The following PTPN1 variants were observed in gnomAD, a reference collection of about 807,000 sequenced individuals.
PTPN1 encodes protein tyrosine phosphatase non-receptor type 1, also known as tyrosine-protein phosphatase non-receptor type 1.
Under a neutral mutation model 59.9 loss-of-function variants are expected in PTPN1, and 12 were observed. The observed-to-expected ratio is 0.20, with a 90% CI of 0.13 to 0.32. The LOEUF (loss-of-function observed/expected upper bound fraction) is 0.32, where lower values mean the gene tolerates loss of function less well. Ranked by LOEUF, PTPN1 falls within the 10% of genes least tolerant of loss-of-function variation. The pLI is 1.00. For missense variants in PTPN1, 356 were observed against 549.2 expected, an observed-to-expected ratio of 0.65 and a Z score of 3.52; for synonymous variants, 178 against 203.6, an observed-to-expected ratio of 0.87 and a Z score of 1.07.
At position 50,578,631 on chromosome 20, in the gene PTPN1, T is replaced by C. The variant is rs766239542; in HGVS notation, c.702+2T>C. 2 of 1,612,670 alleles carry C rather than the reference T, an allele frequency of 1.2e-6. No individual in the cohort carries two copies. The highest frequency in any genetic ancestry group is 1.7e-6 in the Non-Finnish European group (2 of 1,178,868). The stretch of plus-strand genomic sequence containing the variant: ...CTGGCTGATACCTGCCTCTTGCTGG[T>C]AAGGAGGCCCTCGCGGGTGCCCTGG... On this transcript the variant is annotated splice_donor_variant, in intron 6 of 9. Coordinates refer to ENST00000371621, the MANE Select transcript of PTPN1 (RefSeq NM_002827.4). LOFTEE classifies it high-confidence loss of function.
chr20:50,552,359 A>C (rs2082705535), intron 1 of PTPN1, among the ~76,000 whole-genome samples: 1 of 152,180 alleles, frequency 6.6e-6, no homozygotes, highest in African/African-American at 2.4e-5. Context: ...ATTTCTAATA[A>C]ATTATCCAGA....
chr20:50,526,999 C>T (rs2122731385), intron 1 of PTPN1, among the ~76,000 whole-genome samples: 1 of 152,316 alleles, frequency 6.6e-6, no homozygotes, highest in East Asian at 1.9e-4. Flanking sequence ...GCTTACCTGC[C>T]ATCCTTTCCA....
At chr20:50,523,406 C>T (rs557734181) in intron 1 of PTPN1, among the ~76,000 whole-genome samples, 13 of 152,224 alleles carry the variant, frequency 8.5e-5, no homozygotes, top group African/African-American at 2.6e-4. Flanking sequence ...TTTAGCACTC[C>T]GGGATCATAT....
chr20:50,579,096 A>T, intron 6 of PTPN1, 72 bp from the exon 7 acceptor site: 2 of 1,502,358 alleles, frequency 1.3e-6, no homozygotes, highest in South Asian at 2.4e-5. Flanking sequence ...GGGGACAGAC[A>T]TCTAACGGTG....
In PTPN1 at chr20:50,546,090, G is replaced by A. The variant is rs563110884; in HGVS notation, c.64-15273G>A. ...AAAAGTGATTAGATCCCTTGTGTTT[G>A]GGACACTTGTTGGCAGCAGGGATGG... On this transcript the variant is annotated intron_variant, in intron 1 of 9. Coordinates refer to ENST00000371621, the MANE Select transcript of PTPN1 (RefSeq NM_002827.4). Among the ~76,000 whole-genome samples, 5 of 152,240 alleles carry A rather than the reference G, an allele frequency of 3.3e-5. No homozygotes were observed. In the East Asian group the frequency reaches 9.6e-4, roughly 29 times the overall value.
intron 1 of PTPN1, among the ~76,000 whole-genome samples, chr20:50,525,785 A>G (rs574376874): frequency 6.6e-6 from 1 of 150,704 alleles, no homozygotes; most frequent in Admixed American, 6.6e-5. Context: ...TTTCTTTTGG[A>G]GTCATTTATG....
At chr20:50,519,362 T>A (rs909788161) in intron 1 of PTPN1, among the ~76,000 whole-genome samples, 10 of 152,240 alleles carry the variant, frequency 6.6e-5, no homozygotes, top group African/African-American at 1.4e-4. Flanking sequence ...GCCTTTTTTT[T>A]ACCCATGAAT....
chr20:50,578,651 C>A lies in PTPN1; in HGVS notation c.702+22C>A, dbSNP rs370958988. ...GCTGGTAAGGAGGCCCTCGCGGGTGCCCTGGGGAGCTCCTCTACCTGCTCT... is the reference window on the plus strand; with the variant it reads ...GCTGGTAAGGAGGCCCTCGCGGGTGACCTGGGGAGCTCCTCTACCTGCTCT... On this transcript the variant is annotated intron_variant, in intron 6 of 9. Transcript: ENST00000371621. 1.1e-5 allele frequency: 17 copies of A among 1,602,994 alleles called. No homozygotes were observed. The South Asian group carries it at 1.8e-4, about 17-fold the overall frequency.
intron 1 of PTPN1, among the ~76,000 whole-genome samples, chr20:50,528,633 G>T (rs1191556876): frequency 6.7e-6 from 1 of 149,050 alleles, no homozygotes; most frequent in Non-Finnish European, 1.5e-5. Flanking sequence ...AGAATCACTT[G>T]AACTGGGGAG....
intron 2 of PTPN1, 149 bp from the exon 3 acceptor site, chr20:50,564,820 G>A: frequency 3.2e-6 from 4 of 1,241,396 alleles, no homozygotes; most frequent in Non-Finnish European, 4.4e-6. Context: ...GCCCCATACT[G>A]ATGACTAATC....
intron 1 of PTPN1, among the ~76,000 whole-genome samples, chr20:50,525,110 A>G (rs1031076479): frequency 2.6e-4 from 39 of 152,130 alleles, no homozygotes; most frequent in Admixed American, 2.3e-3. Flanking sequence ...CCTAGGCTGG[A>G]GTGCAATGGC....
intron 1 of PTPN1, among the ~76,000 whole-genome samples, chr20:50,534,342 A>G (rs1489157064): frequency 6.6e-6 from 1 of 152,240 alleles, no homozygotes; most frequent in African/African-American, 2.4e-5. Flanking sequence ...TATTTTTGCC[A>G]GAAAATCACT....
At chr20:50,571,365 T>C (rs954585220) in intron 4 of PTPN1, 3 of 152,270 alleles carry the variant, frequency 2.0e-5, no homozygotes, top group African/African-American at 7.2e-5. Flanking sequence ...CAGATTGGCA[T>C]GAAAAGCAAT....
chr20:50,510,983 C>A (rs1277368927), intron 1 of PTPN1, among the ~76,000 whole-genome samples: 1 of 152,104 alleles, frequency 6.6e-6, no homozygotes, highest in Non-Finnish European at 1.5e-5. Flanking sequence ...CTCAGACTCT[C>A]TTCCTTTGTC....
intron 8 of PTPN1, among the ~76,000 whole-genome samples, chr20:50,580,405 G>C (rs1026856494): frequency 6.6e-6 from 1 of 152,152 alleles, no homozygotes; most frequent in Non-Finnish European, 1.5e-5. Context: ...TGATATGTGT[G>C]GTGTACTGAG....
rs1601381226 is a variant in PTPN1 at position 50,510,674 on chromosome 20, C to T, written c.63+84C>T. The T allele has an allele frequency of 3.2e-5, 45 of 1,406,018 alleles. 1 individual carries two copies. In the South Asian group the frequency reaches 5.7e-4, roughly 18 times the overall value. 87.1% of individuals were successfully genotyped at this position (1,406,018 alleles called of 1,614,324 possible). A position where few individuals can be genotyped will look rare whatever the true frequency, so the allele number is the denominator to read the frequency against. ...CAGACCTCCAGGCCCCAGACTCCCT[C>T]TGGGTCTTGCCCTCTGCCTCGCTCC... On this transcript the variant is annotated intron_variant, in intron 1 of 9. Coordinates refer to ENST00000371621, the MANE Select transcript of PTPN1 (RefSeq NM_002827.4).
chr20:50,546,252 A>G (rs1381563836), intron 1 of PTPN1, among the ~76,000 whole-genome samples: 1 of 152,178 alleles, frequency 6.6e-6, no homozygotes, highest in Non-Finnish European at 1.5e-5. Context: ...TGCTTGCCAC[A>G]TAGTTGATGC....
intron 1 of PTPN1, among the ~76,000 whole-genome samples, chr20:50,519,485 A>G (rs1050803964): frequency 5.9e-5 from 9 of 152,204 alleles, no homozygotes; most frequent in Non-Finnish European, 1.0e-4. Context: ...TAGGAAATAG[A>G]TGGCTTTAGA....
chr20:50,578,349 G>A, intron 5 of PTPN1, 71 bp from the exon 6 acceptor site: 1 of 1,311,914 alleles, frequency 7.6e-7, no homozygotes, highest in Non-Finnish European at 1.1e-6. Flanking sequence ...GTGACTCTGT[G>A]TGTACTTGGA....
Sources: gnomAD v4.1 joint callset for allele counts (sites outside exome capture counted in the v4.1 genomes callset) on GRCh38, gnomAD v4.1.1 for gene constraint, MANE v1.5 for transcripts, NCBI Gene and HGNC (gene_info 2026-07-23, HGNC 2026-07-21) for gene names.